Variants in RBFOX3 observed in about 807,000 individuals in gnomAD.
RBFOX3 encodes the protein RNA binding fox-1 homolog 3.
RBFOX3 carries 17 observed loss-of-function variants against 48.7 expected under a neutral mutation model. The ratio of observed to expected loss-of-function variants is 0.35; its 90% CI spans 0.24 to 0.52. RBFOX3 has a LOEUF of 0.52. RBFOX3 is among the 20% of genes least tolerant of loss of function. The probability of loss-of-function intolerance (pLI) is 0.94; values close to 1 mark genes in which losing one functional copy is unlikely to be tolerated. For missense variants in RBFOX3, 382 were observed against 497.5 expected (o/e 0.77, Z 2.21); for synonymous variants, 212 against 209.5 (o/e 1.01, Z -0.10).
At chr17:79,228,805 C>G (rs904442165) in intron 4 of RBFOX3, among the ~76,000 whole-genome samples, 2 of 152,150 alleles carry the variant, frequency 1.3e-5, no homozygotes, top group African/African-American at 4.8e-5. Context: ...TGCGCTAGTC[C>G]AAACACGTGT....
intron 4 of RBFOX3, among the ~76,000 whole-genome samples, chr17:79,133,494 T>G (rs187359217): frequency 1.6e-3 from 244 of 152,250 alleles, no homozygotes; most frequent in Non-Finnish European, 3.0e-3. Context: ...TGTGCAGAGC[T>G]TCTCTGCTGT....
intron 1 of RBFOX3, among the ~76,000 whole-genome samples, chr17:79,554,319 C>T (rs2091421161): frequency 6.6e-6 from 1 of 151,816 alleles, no homozygotes. Context: ...CACCCCTCAC[C>T]TGGCCCTCTC....
intron 1 of RBFOX3, among the ~76,000 whole-genome samples, chr17:79,537,123 A>C (rs548654398): frequency 7.4e-4 from 113 of 152,096 alleles, no homozygotes; most frequent in African/African-American, 1.6e-3. Flanking sequence ...AAAACAAAAA[A>C]AAAAAAAACC....
the RBFOX3 span, among the ~76,000 whole-genome samples, chr17:79,656,808 AAAG>A: frequency 0.1 from 717 of 6,934 alleles, 7 homozygotes; most frequent in Non-Finnish European, 0.12. Context: ...GAAAGAAAGA[AAAG>A]AAAGAGAAAG....
intron 4 of RBFOX3, among the ~76,000 whole-genome samples, chr17:79,118,167 G>A (rs1273775341): frequency 2.6e-5 from 4 of 152,064 alleles, no homozygotes; most frequent in African/African-American, 7.2e-5. Context: ...CGACAGACTC[G>A]CTGACTGGGA....
chr17:79,209,765 G>C (rs948488506), intron 4 of RBFOX3, among the ~76,000 whole-genome samples: 1 of 151,890 alleles, frequency 6.6e-6, no homozygotes, highest in Non-Finnish European at 1.5e-5. Context: ...AGGCGGAGGC[G>C]GGTGGATCAC....
chr17:79,621,884 G>A, the RBFOX3 span, among the ~76,000 whole-genome samples: 4 of 151,666 alleles, frequency 2.6e-5, no homozygotes, highest in South Asian at 2.1e-4. Context: ...ATACAAGATC[G>A]AGCGTGTGTT....
intron 4 of RBFOX3, among the ~76,000 whole-genome samples, chr17:79,140,206 T>C (rs754121599): frequency 3.9e-5 from 6 of 152,220 alleles, no homozygotes; most frequent in Non-Finnish European, 5.9e-5. Flanking sequence ...TGATCTCCAT[T>C]GTACAGGTGA....
At chr17:79,634,681 G>A in the RBFOX3 span, among the ~76,000 whole-genome samples, 24 of 152,064 alleles carry the variant, frequency 1.6e-4, no homozygotes, top group South Asian at 2.1e-4. Context: ...GGAGCACATG[G>A]GCTGTGAGTG....
At chr17:79,167,318 C>G (rs947272473) in intron 4 of RBFOX3, among the ~76,000 whole-genome samples, 3 of 149,772 alleles carry the variant, frequency 2.0e-5, no homozygotes, top group Admixed American at 1.3e-4. Flanking sequence ...CTCTGGGGGG[C>G]CCCTTCTTCC....
At position 79,421,792 on chromosome 17, in the gene RBFOX3, G is replaced by A. The variant is rs1389744234; in HGVS notation, c.-175+60662C>T. Among the ~76,000 whole-genome samples, 1 of 152,160 alleles carries A rather than the reference G, an allele frequency of 6.6e-6. No homozygotes were observed. Among genetic ancestry groups the A allele is most frequent in the African/African-American group, 2.4e-5 (1 of 41,432 alleles). On this transcript the variant is annotated intron_variant, in intron 2 of 14. Transcript: ENST00000693108. The surrounding 1 kb of genome is among the most constrained non-coding windows in gnomAD (Gnocchi z 4.5). ...GTGGGGAGGTCTCCTTGAGGCCTTG[G>A]GACAAGGGCAGAGAGAGAGAAGGGG...
the RBFOX3 span, among the ~76,000 whole-genome samples, chr17:79,620,256 C>T: frequency 6.6e-6 from 1 of 150,444 alleles, no homozygotes; most frequent in African/African-American, 2.4e-5. Context: ...TACGCACATG[C>T]ACACACACGT....
chr17:79,271,767 G>A (rs1051988681), intron 3 of RBFOX3, among the ~76,000 whole-genome samples: 5 of 152,118 alleles, frequency 3.3e-5, no homozygotes, highest in Admixed American at 3.3e-4. Context: ...AAAGGGTACA[G>A]AGCCACTGTA....
intron 1 of RBFOX3, among the ~76,000 whole-genome samples, chr17:79,552,555 G>C (rs945148440): frequency 6.6e-5 from 10 of 152,226 alleles, no homozygotes; most frequent in Non-Finnish European, 1.5e-4. Context: ...GTTCACTGTT[G>C]TATCACCAGG....
chr17:79,213,467 G>T (rs775346187), intron 4 of RBFOX3, among the ~76,000 whole-genome samples: 20 of 152,234 alleles, frequency 1.3e-4, no homozygotes, highest in Non-Finnish European at 1.8e-4. Flanking sequence ...ACGGGGGAGG[G>T]TGAGATGAGG....
chr17:79,384,156 G>C (rs1208854834), intron 2 of RBFOX3, among the ~76,000 whole-genome samples: 1 of 152,216 alleles, frequency 6.6e-6, no homozygotes, highest in Non-Finnish European at 1.5e-5. Flanking sequence ...TCCAGGCAGG[G>C]GAGCTGCACT....
chr17:79,524,576 C>T (rs2086551511), intron 1 of RBFOX3, among the ~76,000 whole-genome samples: 1 of 152,164 alleles, frequency 6.6e-6, no homozygotes, highest in Non-Finnish European at 1.5e-5. Flanking sequence ...GCTCTTTCCT[C>T]CCTCTACCAA....
At chr17:79,452,833 A>G (rs2073784509) in intron 2 of RBFOX3, among the ~76,000 whole-genome samples, 1 of 152,202 alleles carries the variant, frequency 6.6e-6, no homozygotes, top group African/African-American at 2.4e-5. Flanking sequence ...ACCCGGGGGC[A>G]TTGCAGGGAA....
In RBFOX3 at chr17:79,483,370, C is replaced by T. The variant is rs369078107; in HGVS notation, c.-319-772G>A. Among the ~76,000 whole-genome samples, 12 of 151,690 alleles carry T rather than the reference C, an allele frequency of 7.9e-5. No homozygotes were observed. In the East Asian group the frequency reaches 1.8e-3, roughly 22 times the overall value. ...CCCTCCACACAGGCGCATGCCTCCC[C>T]GACCCCACCCCTGCACCACACCTTT... is the stretch of plus-strand genomic sequence containing the variant. On this transcript the variant is annotated intron_variant, in intron 1 of 14. Transcript: ENST00000693108.
Sources: allele counts gnomAD v4.1 joint callset (sites outside exome capture counted in the v4.1 genomes callset), GRCh38; gene constraint gnomAD v4.1.1; non-coding constraint Gnocchi (gnomAD v3.1); transcripts MANE v1.5; gene names NCBI Gene and HGNC (gene_info 2026-07-23, HGNC 2026-07-21).